Variants in CYGB observed in about 807,000 individuals in gnomAD.
The protein encoded by CYGB is cytoglobin.
A neutral mutation model predicts 20.7 loss-of-function variants in CYGB; 13 were observed. The observed-to-expected ratio is 0.63, with a 90% confidence interval of 0.41 to 1.00. The LOEUF is 1.00. Among genes scored for constraint, CYGB ranks in the 50% least tolerant of loss-of-function variants. The pLI is 0.00. For missense variants in CYGB, 218 were observed against 257.2 expected, an observed-to-expected ratio of 0.85 and a Z score of 1.04; for synonymous variants, 93 against 107.4, an observed-to-expected ratio of 0.87 and a Z score of 0.83.
At position 76,531,415 on chromosome 17, in the gene CYGB, T is replaced by C; in HGVS notation, c.375+45A>G. On this transcript the variant is annotated intron_variant, in intron 2 of 3. Coordinates refer to ENST00000293230, the MANE Select transcript of CYGB (RefSeq NM_134268.5). The surrounding 1 kb of genome is among the most constrained non-coding windows in gnomAD (Gnocchi z 7.4). ...AGAGCCTGCGAGCTGCAGATGGCCA[T>C]GACGCGTGGGCGGTGGGGGCTCTGC... is the stretch of plus-strand genomic sequence containing the variant. 1 of 1,579,150 alleles carries C rather than the reference T, an allele frequency of 6.3e-7. No individual in the cohort carries two copies. Among genetic ancestry groups the C allele is most frequent in the Non-Finnish European group, 8.7e-7 (1 of 1,153,452 alleles).
intron 1 of CYGB, among the ~76,000 whole-genome samples, chr17:76,534,146 TTCTCTCTCTCTCTC>T (rs71158013): frequency 4.7e-5 from 6 of 128,902 alleles, no homozygotes; most frequent in African/African-American, 1.4e-4. Flanking sequence ...CTCTTTCTCT[TTCTCTCTCTCTCTC>T]TCTCTCTCTC....
At chr17:76,548,706 C>T (rs993860229) in intron 1 of CYGB, among the ~76,000 whole-genome samples, 1 of 152,244 alleles carries the variant, frequency 6.6e-6, no homozygotes, top group African/African-American at 2.4e-5. Flanking sequence ...GGGGCCCCAC[C>T]GACTTTCCCA....
chr17:76,544,386 G>A (rs768412990), intron 1 of CYGB: 1 of 454,886 alleles, frequency 2.2e-6, no homozygotes, highest in South Asian at 1.6e-5. Flanking sequence ...GGATGCCGCA[G>A]AGCAGAGGGA....
At chr17:76,540,892 T>C (rs1184745589), upstream of CYGB, among the ~76,000 whole-genome samples, 1 of 152,208 alleles carries the variant, frequency 6.6e-6, no homozygotes. The surrounding 1 kb of genome is among the most constrained non-coding windows in gnomAD (Gnocchi z 5.0). Context: ...GGAGTAGCTC[T>C]GTGTGGCTTT....
At position 76,528,855 on chromosome 17, in the gene CYGB, A is replaced by T. The variant is rs1196780345; in HGVS notation, c.540-244T>A. ...GATCTTTTTCTCTAAAATGTGAATAATGTCTGTCTTGTGACATAAACTGGG... is the reference window on the plus strand; with the variant it reads ...GATCTTTTTCTCTAAAATGTGAATATTGTCTGTCTTGTGACATAAACTGGG... On this transcript the variant is annotated intron_variant, in intron 3 of 3. Coordinates refer to ENST00000293230, the MANE Select transcript of CYGB (RefSeq NM_134268.5). This position sits in a 1 kb window ranked among gnomAD's most constrained non-coding sequence, Gnocchi z 5.8. 5.8e-6 allele frequency: 7 copies of T among 1,216,924 alleles called. No homozygotes were observed. Among genetic ancestry groups the T allele is most frequent in the Non-Finnish European group, 7.2e-6 (7 of 975,858 alleles). 75.4% of individuals were successfully genotyped at this position (1,216,924 alleles called of 1,614,324 possible).
intron 3 of CYGB, chr17:76,529,153 C>T (rs923851524): frequency 6.2e-5 from 61 of 981,202 alleles, no homozygotes; most frequent in Non-Finnish European, 7.0e-5. Context: ...AGAAGTTGGG[C>T]GAGGGCCTTC....
upstream of CYGB, among the ~76,000 whole-genome samples, chr17:76,539,518 G>C (rs182151693): frequency 7.9e-5 from 12 of 152,280 alleles, no homozygotes; most frequent in Admixed American, 5.9e-4. Flanking sequence ...CTTCACTGTT[G>C]AGTCTCCCGT....
intron 1 of CYGB, among the ~76,000 whole-genome samples, chr17:76,536,746 T>C (rs548124250): frequency 2.6e-5 from 4 of 152,246 alleles, no homozygotes; most frequent in African/African-American, 9.6e-5. Context: ...GAAGCTTCTC[T>C]CTTCTTCCCC....
chr17:76,550,265 C>A (rs1256253861), intron 1 of CYGB: 3 of 131,036 alleles, frequency 2.3e-5, no homozygotes, highest in Non-Finnish European at 5.0e-5. Context: ...CTAGAAGGTT[C>A]TTTTTTTTTT....
intron 1 of CYGB, among the ~76,000 whole-genome samples, chr17:76,549,223 C>A (rs1239408427): frequency 6.6e-6 from 1 of 152,168 alleles, no homozygotes; most frequent in African/African-American, 2.4e-5. Context: ...ATCCGGAATA[C>A]ATAAAGAACT....
rs181845864 is a variant in CYGB at position 76,545,158 on chromosome 17, C to T, written c.-53+5704G>A. 8.5e-4 allele frequency: 386 copies of T among 456,696 alleles called. No homozygotes were observed. The highest frequency in any genetic ancestry group is 6.0e-3 in the African/African-American group (302 of 50,192). The allele number at this position is 456,696 out of a possible 1,614,324, so 28.3% of individuals were successfully genotyped here. On this transcript the variant is annotated intron_variant, in intron 1 of 3. Transcript: ENST00000589145. ...CCAGCCCACGCTCGCCTCTTATTCC[C>T]GGGGCCTCTCCCACCCCTGGGCTCT...
intron 1 of CYGB, chr17:76,545,707 C>A: frequency 3.6e-6 from 1 of 275,028 alleles, no homozygotes; most frequent in Non-Finnish European, 7.2e-6. Flanking sequence ...GTATCTGTCT[C>A]TTAGAGTTGT....
chr17:76,530,897 C>T lies in CYGB; in HGVS notation c.539+82G>A. The T allele has an allele frequency of 6.9e-7, 1 of 1,444,978 alleles. No homozygotes were observed. The highest frequency in any genetic ancestry group is 1.4e-5 in the South Asian group (1 of 72,810). The allele number at this position is 1,444,978 out of a possible 1,614,324, so 89.5% of individuals were successfully genotyped here. ...CCTGCCCAGGTGATCAGCCCCAGGG[C>T]CTCAGGAGATATGGGAGACCTCGGG... On this transcript the variant is annotated intron_variant, in intron 3 of 3. Coordinates refer to ENST00000293230, the MANE Select transcript of CYGB (RefSeq NM_134268.5). This position sits in a 1 kb window ranked among gnomAD's most constrained non-coding sequence, Gnocchi z 6.1.
At chr17:76,532,184 G>T in intron 1 of CYGB, 1 of 159,054 alleles carries the variant, frequency 6.3e-6, no homozygotes, top group Admixed American at 5.8e-5. Flanking sequence ...TCCTTAACCG[G>T]GCATTCCAGA....
rs929180613 is a variant in CYGB at position 76,533,099 on chromosome 17, C to T, written c.144-1408G>A. 6.6e-6 allele frequency among the ~76,000 whole-genome samples: 1 copy of T among 152,180 alleles called. No homozygotes were observed. The highest frequency in any genetic ancestry group is 1.5e-5 in the Non-Finnish European group (1 of 68,030). On this transcript the variant is annotated intron_variant, in intron 1 of 3. Transcript: ENST00000293230. The surrounding 1 kb of genome is among the most constrained non-coding windows in gnomAD (Gnocchi z 4.5). ...GAACAGATGCGGAGAGGGCATCTGG[C>T]CGGGTCATCCCTGCTGCTGGTGGAA... is the stretch of plus-strand genomic sequence containing the variant.
intron 1 of CYGB, chr17:76,545,585 G>A (rs1011467627): frequency 6.7e-5 from 23 of 344,422 alleles, no homozygotes; most frequent in Non-Finnish European, 1.2e-4. Context: ...CAGAGTCAGA[G>A]CTCCTGGGTT....
upstream of CYGB, chr17:76,542,673 G>C (rs765949080): frequency 6.7e-6 from 9 of 1,344,850 alleles, no homozygotes; most frequent in African/African-American, 1.0e-4. Context: ...AGAGGGCAAG[G>C]CTTGGGACAG....
At chr17:76,540,250 T>TGGGGGGGGG, upstream of CYGB, 2 of 463,682 alleles carry the variant, frequency 4.3e-6, no homozygotes, top group Non-Finnish European at 3.6e-6. The surrounding 1 kb of genome is among the most constrained non-coding windows in gnomAD (Gnocchi z 5.0). Context: ...TGGCGGTTGG[T>TGGGGGGGGG]CGGGGGGGGG....
chr17:76,537,319 G>T, intron 1 of CYGB, 81 bp downstream of exon 1: 8 of 1,401,562 alleles, frequency 5.7e-6, no homozygotes, highest in Non-Finnish European at 5.6e-6. Context: ...GCTGGAGCTC[G>T]GACCCGGGCC....
Sources: allele counts gnomAD v4.1 joint callset (sites outside exome capture counted in the v4.1 genomes callset), GRCh38; gene constraint gnomAD v4.1.1; non-coding constraint Gnocchi (gnomAD v3.1); transcripts MANE v1.5; gene names NCBI Gene and HGNC (gene_info 2026-07-23, HGNC 2026-07-21).